KRT82: variants seen among roughly 807,000 people sequenced by gnomAD.
KRT82 encodes keratin 82, also known as keratin, type II cuticular Hb2.
In KRT82, 44 loss-of-function variants were observed where a neutral mutation model predicts 48.0. That is an observed-to-expected ratio of 0.92 (90% CI 0.72 to 1.18). The LOEUF (loss-of-function observed/expected upper bound fraction) is 1.18. KRT82 is among the 50% of genes most tolerant of loss of function. The probability of loss-of-function intolerance (pLI) is 0.00; values close to 1 mark genes in which losing one functional copy is unlikely to be tolerated. For synonymous variants in KRT82, 297 were observed against 278.3 expected, an observed-to-expected ratio of 1.07 and a Z score of -0.67; for missense variants, 701 against 671.4, an observed-to-expected ratio of 1.04 and a Z score of -0.49.
At chr12:52,399,928 C>A (rs1939763305) in intron 5 of KRT82, 57 bp downstream of exon 5, 1 of 1,569,134 alleles carries the variant, frequency 6.4e-7, no homozygotes, top group Admixed American at 1.7e-5. Context: ...TGGGGGTCCT[C>A]CCCTCCCCTG....
At chr12:52,398,490 T>G (rs1939743119) in intron 5 of KRT82, among the ~76,000 whole-genome samples, 1 of 152,086 alleles carries the variant, frequency 6.6e-6, no homozygotes, top group Non-Finnish European at 1.5e-5. Context: ...ACTTTTTTTT[T>G]TTTTTTTAGA....
chr12:52,405,772 A>G (rs969282264), intron 1 of KRT82, 95 bp downstream of exon 1: 3 of 1,325,262 alleles, frequency 2.3e-6, no homozygotes, highest in Non-Finnish European at 3.1e-6. Context: ...GGCCTCCTCA[A>G]TGTCAGTCTC....
intron 2 of KRT82, among the ~76,000 whole-genome samples, chr12:52,403,114 G>A (rs980657157): frequency 6.6e-6 from 1 of 152,182 alleles, no homozygotes; most frequent in African/African-American, 2.4e-5. Flanking sequence ...TCATCCTCAG[G>A]GGGAGCAAGT....
In KRT82 at chr12:52,398,396, T is replaced by C. The variant is rs896118766; in HGVS notation, c.943-1388A>G. Among the ~76,000 whole-genome samples the C allele has an allele frequency of 4.6e-5, 7 of 152,126 alleles. No homozygotes were observed. The East Asian group carries it at 1.3e-3, about 29-fold the overall frequency. ...AACTCAAAGGATCCTGGGTCCCTGA[T>C]GATGTCACAGAATCTCTGTGTCATC... is the stretch of plus-strand genomic sequence containing the variant. On this transcript the variant is annotated intron_variant, in intron 5 of 8. Transcript: ENST00000257974.
At chr12:52,395,242 T>C in intron 8 of KRT82, 47 bp from the exon 9 acceptor site, 2 of 1,510,272 alleles carry the variant, frequency 1.3e-6, no homozygotes, top group Non-Finnish European at 1.8e-6. Flanking sequence ...GGTGTGGCTC[T>C]CAGTGTACTG....
At chr12:52,398,667 C>T (rs948005498) in intron 5 of KRT82, among the ~76,000 whole-genome samples, 6 of 151,948 alleles carry the variant, frequency 3.9e-5, no homozygotes, top group South Asian at 4.2e-4. Context: ...GAAACCTGGC[C>T]GTGGGTGGGT....
intron 5 of KRT82, 135 bp downstream of exon 5, chr12:52,399,850 G>C (rs1939762548): frequency 1.1e-6 from 1 of 886,754 alleles, no homozygotes; most frequent in African/African-American, 1.7e-5. Context: ...GGCTTTATGG[G>C]ATTCCCTGTG....
rs750739044 is a variant in KRT82, at chr12:52,400,069, G to A, written c.858C>T (p.Asp286=). 1.9e-5 allele frequency: 31 copies of A among 1,614,154 alleles called. No homozygotes were observed. Among genetic ancestry groups the A allele is most frequent in the Middle Eastern group, 3.3e-4 (2 of 6,062 alleles). Residue 286 remains aspartate, a synonymous_variant, in exon 5 of 9, where the codon GAC becomes GAT. Coordinates refer to ENST00000257974, the MANE Select transcript of KRT82 (RefSeq NM_033033.4). The stretch of plus-strand genomic sequence containing the variant: ...GCGCCTTGATCTCAGCGATGATGCC[G>A]TCCACGTCCAGCTCCCGGCTGTTGT... ...KMDNSRELDV[D]GIIAEIKAQY...
At chr12:52,402,731 C>A (rs975560298) in intron 2 of KRT82, among the ~76,000 whole-genome samples, 1 of 152,224 alleles carries the variant, frequency 6.6e-6, no homozygotes, top group African/African-American at 2.4e-5. Flanking sequence ...AGCACCCACA[C>A]TTTCTAGCAC....
rs147269537 is a variant in KRT82, at chr12:52,396,201, G to C, written c.1100C>G (p.Ala367Gly). 3 of 1,613,736 alleles carry C rather than the reference G, an allele frequency of 1.9e-6. No individual in the cohort carries two copies. In the African/African-American group the frequency reaches 4.0e-5, roughly 22 times the overall value. The change falls in exon 7 of 9, where the codon GCA (alanine) becomes GGA (glycine). Residue 367 changes from alanine to glycine, a missense_variant. Transcript: ENST00000257974. Reference protein sequence around the residue: ...RCKLEGAIAEAEQQGEAALND... With the variant: ...RCKLEGAIAEGEQQGEAALND... ...GAGAGCCGCCTCGCCCTGCTGCTCT[G>C]CCTCAGCTATGGCACCCTCAAGTTT...
intron 8 of KRT82, 117 bp from the exon 9 acceptor site, chr12:52,395,312 C>A (rs1939698159): frequency 1.2e-6 from 1 of 814,006 alleles, no homozygotes; most frequent in Non-Finnish European, 1.9e-6. Flanking sequence ...TCTACAGACA[C>A]CCCATTCCAG....
intron 4 of KRT82, 53 bp downstream of exon 4, chr12:52,400,474 C>G: frequency 7.2e-7 from 1 of 1,396,696 alleles, no homozygotes; most frequent in Non-Finnish European, 1.0e-6. Flanking sequence ...GCTGCCCTCT[C>G]GATCCCTTGG....
intron 1 of KRT82, among the ~76,000 whole-genome samples, chr12:52,404,972 A>G (rs936307258): frequency 6.6e-6 from 1 of 151,852 alleles, no homozygotes; most frequent in African/African-American, 2.4e-5. Context: ...AGGGCTCCTG[A>G]CCTCTGGCCC....
Position 52,400,011 on chromosome 12 carries a change from C to T in KRT82, c.916G>A (p.Glu306Lys), listed in dbSNP as rs376327776. Residue 306 changes from glutamate to lysine, a missense_variant, in exon 5 of 9, where the codon GAA becomes AAA. Physicochemically the swap from Glu to Lys is moderately conservative, Grantham distance 56 (BLOSUM62 1). Coordinates refer to ENST00000257974, the MANE Select transcript of KRT82 (RefSeq NM_033033.4). ...YDDIASRSKA[E>K]AEAWYQCRYE... ...CGGCACTGGTACCAGGCCTCTGCTTCGGCTTTGCTGCGGCTGGCGATGTCG... is the reference window on the plus strand; with the variant it reads ...CGGCACTGGTACCAGGCCTCTGCTTTGGCTTTGCTGCGGCTGGCGATGTCG... 1.3e-5 allele frequency: 21 copies of T among 1,614,044 alleles called. No individual in the cohort carries two copies. The highest frequency in any genetic ancestry group is 1.6e-4 in the Middle Eastern group (1 of 6,084).
Position 52,396,215 on chromosome 12 carries a change from A to G in KRT82, c.1086T>C (p.Gly362=). ...CCTGCTGCTCTGCCTCAGCTATGGC[A>G]CCCTCAAGTTTGCAGCGCTGTGGGA... ...NVKAQRCKLE[G]AIAEAEQQGE... The change falls in exon 7 of 9, where the codon GGT becomes GGC. Residue 362 remains glycine (G), a synonymous_variant. Coordinates refer to ENST00000257974, the MANE Select transcript of KRT82 (RefSeq NM_033033.4). 1.2e-6 allele frequency: 2 copies of G among 1,613,344 alleles called. No individual in the cohort carries two copies. The highest frequency in any genetic ancestry group is 1.7e-6 in the Non-Finnish European group (2 of 1,179,966).
chr12:52,403,617 T>A, intron 2 of KRT82, 84 bp downstream of exon 2: 1 of 897,444 alleles, frequency 1.1e-6, no homozygotes, highest in East Asian at 2.4e-5. Flanking sequence ...AGGCTTCCCA[T>A]TTTATAAATG....
At position 52,400,413 on chromosome 12, in the gene KRT82, C is replaced by A. The variant is rs546255366; in HGVS notation, c.777+114G>T. 41 of 834,032 alleles carry A rather than the reference C, an allele frequency of 4.9e-5. No individual in the cohort carries two copies. The South Asian group carries it at 5.3e-4, about 11-fold the overall frequency. 51.7% of individuals were successfully genotyped at this position (834,032 alleles called of 1,614,324 possible). ...ACCGCCTGAGAACGTCTCTACAGTG[C>A]GGACCTCTTTCCATGCTTGCCCTGA... On this transcript the variant is annotated intron_variant, in intron 4 of 8. Coordinates refer to ENST00000257974, the MANE Select transcript of KRT82 (RefSeq NM_033033.4).
chr12:52,398,851 G>C (rs1016662361), intron 5 of KRT82, among the ~76,000 whole-genome samples: 1 of 152,010 alleles, frequency 6.6e-6, no homozygotes, highest in African/African-American at 2.4e-5. Context: ...CTGTGACCTG[G>C]CCTCAAGCTA....
Position 52,394,908 on chromosome 12 carries a change from C to T in KRT82, c.*67G>A, listed in dbSNP as rs552580875. On this transcript the variant is annotated 3_prime_UTR_variant, in exon 9 of 9. Coordinates refer to ENST00000257974, the MANE Select transcript of KRT82 (RefSeq NM_033033.4). ...GTTTTGGAACATCCTTGTCTTCAGCCCTGGTGGGAGTGTGACATCCAGGGC... is the reference window on the plus strand; with the variant it reads ...GTTTTGGAACATCCTTGTCTTCAGCTCTGGTGGGAGTGTGACATCCAGGGC... The T allele has an allele frequency of 3.7e-6, 5 of 1,349,540 alleles. No individual in the cohort carries two copies. Among genetic ancestry groups the T allele is most frequent in the Non-Finnish European group, 5.3e-6 (5 of 943,292 alleles). The allele number at this position is 1,349,540 out of a possible 1,614,324, so 83.6% of individuals were successfully genotyped here. A position where few individuals can be genotyped will look rare whatever the true frequency, so the allele number is the denominator to read the frequency against.
Sources: gnomAD v4.1 joint callset for allele counts (sites outside exome capture counted in the v4.1 genomes callset) on GRCh38, gnomAD v4.1.1 for gene constraint, MANE v1.5 for transcripts, NCBI Gene and HGNC (gene_info 2026-07-23, HGNC 2026-07-21) for gene names.